C19orf47: variants seen among roughly 807,000 people sequenced by gnomAD.
The protein encoded by C19orf47 is uncharacterized protein C19orf47.
In C19orf47, 18 loss-of-function variants were observed where a neutral mutation model predicts 32.3. That is an observed-to-expected ratio of 0.56 (90% CI 0.39 to 0.83). The LOEUF (loss-of-function observed/expected upper bound fraction) is 0.83. Ranked by LOEUF, C19orf47 falls within the 40% of genes least tolerant of loss-of-function variation. The pLI is 0.00. For missense variants in C19orf47, 484 were observed against 531.6 expected, an observed-to-expected ratio of 0.91 and a Z score of 0.88; for synonymous variants, 202 against 211.1, an observed-to-expected ratio of 0.96 and a Z score of 0.37.
At chr19:40,300,231 C>T in the C19orf47 span, among the ~76,000 whole-genome samples, 1 of 151,820 alleles carries the variant, frequency 6.6e-6, no homozygotes, top group African/African-American at 2.4e-5. Context: ...CTTTGGGAGG[C>T]CAGGGCAGGT....
the C19orf47 span, among the ~76,000 whole-genome samples, chr19:40,313,196 T>G: frequency 3.5e-4 from 53 of 152,352 alleles, 1 homozygote; most frequent in South Asian, 0.01. Context: ...CACTTGAGAC[T>G]TAAGGTTTTT....
intron 7 of C19orf47, among the ~76,000 whole-genome samples, chr19:40,325,133 G>C (rs921795347): frequency 2.0e-5 from 3 of 151,802 alleles, no homozygotes; most frequent in Admixed American, 2.0e-4. Context: ...AGCTGGGCAC[G>C]GTGGCGTGCA....
chr19:40,348,369 C>T lies in C19orf47; in HGVS notation c.-79G>A. ...CCACTCGCGCCGCCCGCCCTCCCTC[C>T]CGGCGGCGCCAACTGTCAGACACTC... On this transcript the variant is annotated 5_prime_UTR_variant, in exon 1 of 9. Transcript: ENST00000683109. 1 of 1,415,638 alleles carries T rather than the reference C, an allele frequency of 7.1e-7. No individual in the cohort carries two copies. The highest frequency in any genetic ancestry group is 9.2e-7 in the Non-Finnish European group (1 of 1,085,168). 87.7% of individuals were successfully genotyped at this position (1,415,638 alleles called of 1,614,324 possible).
the C19orf47 span, among the ~76,000 whole-genome samples, chr19:40,309,068 A>G: frequency 6.6e-6 from 1 of 152,200 alleles, no homozygotes; most frequent in African/African-American, 2.4e-5. Context: ...TTTCAAATAA[A>G]CAAATAAATA....
At chr19:40,348,399 C>G, upstream of C19orf47, 3 of 1,477,528 alleles carry the variant, frequency 2.0e-6, no homozygotes, top group Non-Finnish European at 2.7e-6. Flanking sequence ...ACACTCCTCC[C>G]CCGGCCCGGG....
At chr19:40,302,460 A>AT in the C19orf47 span, among the ~76,000 whole-genome samples, 35 of 151,730 alleles carry the variant, frequency 2.3e-4, no homozygotes, top group Non-Finnish European at 4.1e-4. Flanking sequence ...ACCACGTCTG[A>AT]TTTTTTTGTA....
downstream of C19orf47, among the ~76,000 whole-genome samples, chr19:40,315,751 G>A (rs1298340680): frequency 4.0e-5 from 6 of 151,340 alleles, no homozygotes; most frequent in Non-Finnish European, 8.8e-5. Context: ...CTGCACTCCA[G>A]CCTGGGCGAG....
At chr19:40,315,008 T>C (rs79319120), downstream of C19orf47, among the ~76,000 whole-genome samples, 1,534 of 152,240 alleles carry the variant, frequency 0.01, 25 homozygotes, top group African/African-American at 0.035. Flanking sequence ...ACTATCAAAG[T>C]AGGCATCAAA....
the C19orf47 span, among the ~76,000 whole-genome samples, chr19:40,298,301 CAA>C: frequency 9.9e-5 from 7 of 71,030 alleles, no homozygotes; most frequent in Non-Finnish European, 1.8e-4. Flanking sequence ...AACATTGTCT[CAA>C]AAAAAAAAAA....
In C19orf47 at chr19:40,322,102, A is replaced by C; in HGVS notation, c.938T>G (p.Val313Gly). Residue 313 changes from valine to glycine, a missense_variant, in exon 9 of 9, where the codon GTC becomes GGC. Around this residue, in one of 3 missense-constraint regions of C19orf47, gnomAD observed 376 missense variants for 370.2 expected, o/e 1.02. Coordinates refer to ENST00000683109, the MANE Select transcript of C19orf47 (RefSeq NM_001256441.2). Reference protein sequence around the residue: ...LERKPESLSKVSIIKRLGAAA... With the variant: ...LERKPESLSKGSIIKRLGAAA... The stretch of plus-strand genomic sequence containing the variant: ...TGCGCCCAGTCTCTTGATGATGCTG[A>C]CTTTAGACAAGGACTCCGGCTTCCT... 6.2e-7 allele frequency: 1 copy of C among 1,614,138 alleles called. No homozygotes were observed. The highest frequency in any genetic ancestry group is 8.5e-7 in the Non-Finnish European group (1 of 1,180,022).
At chr19:40,293,167 G>T in the C19orf47 span, among the ~76,000 whole-genome samples, 1 of 150,850 alleles carries the variant, frequency 6.6e-6, no homozygotes. Context: ...TCGAGATGGA[G>T]TCTCACTCTG....
intron 5 of C19orf47, among the ~76,000 whole-genome samples, chr19:40,331,734 T>C (rs2145565382): frequency 6.6e-6 from 1 of 152,320 alleles, no homozygotes; most frequent in South Asian, 2.1e-4. Flanking sequence ...AATTTTAAAG[T>C]TTATTTTTAA....
In C19orf47 at chr19:40,326,407, C is replaced by T. The variant is rs753249232; in HGVS notation, c.519G>A (p.Lys173=). 3 of 1,614,212 alleles carry T rather than the reference C, an allele frequency of 1.9e-6. No individual in the cohort carries two copies. Among genetic ancestry groups the T allele is most frequent in the South Asian group, 2.2e-5 (2 of 91,082 alleles). ...RRRVTAEMEG[K]YVINMPKGTT... ...TGCCTTTGGGCATGTTGATGACGTA[C>T]TTCCCCTCCATCTCAGCAGTGACCC... The change falls in exon 7 of 9, where the codon AAG becomes AAA. Residue 173 remains lysine, a synonymous_variant. Transcript: ENST00000683109.
At chr19:40,319,070 G>A (rs990425961), downstream of C19orf47, among the ~76,000 whole-genome samples, 14 of 151,960 alleles carry the variant, frequency 9.2e-5, no homozygotes, top group Non-Finnish European at 2.1e-4. Flanking sequence ...TCAGGAGTTC[G>A]AGACCAGCCT....
At position 40,322,062 on chromosome 19, in the gene C19orf47, G is replaced by A. The variant is rs151266885; in HGVS notation, c.978C>T (p.Pro326=). 7.7e-5 allele frequency: 124 copies of A among 1,614,144 alleles called. 1 individual carries two copies. Among genetic ancestry groups the A allele is most frequent in the Middle Eastern group, 3.3e-4 (2 of 6,062 alleles). The change falls in exon 9 of 9, where the codon CCC becomes CCT. Residue 326 remains proline, a synonymous_variant. Transcript: ENST00000683109. ...IKRLGAAALV[P]EAQDSQVTST... is the part of the protein sequence containing the mutation. ...TGGTGACCTGGCTGTCCTGGGCCTC[G>A]GGCACAAGGGCAGCTGCGCCCAGTC...
chr19:40,329,527 A>C (rs2077905072), intron 5 of C19orf47, among the ~76,000 whole-genome samples: 1 of 152,164 alleles, frequency 6.6e-6, no homozygotes, highest in Non-Finnish European at 1.5e-5. Flanking sequence ...GGAAAAAGAA[A>C]GAAAACTACA....
At chr19:40,348,458 G>C (rs1272497008), upstream of C19orf47, 3 of 1,500,238 alleles carry the variant, frequency 2.0e-6, no homozygotes, top group African/African-American at 1.4e-5. Context: ...GAACTGACTC[G>C]TCCGCGGCCG....
intron 1 of C19orf47, chr19:40,342,570 A>T (rs1206519499): frequency 1.3e-5 from 2 of 152,446 alleles, no homozygotes; most frequent in Non-Finnish European, 2.9e-5. Context: ...GGGACAGGGG[A>T]GACAGAGAGT....
the C19orf47 span, among the ~76,000 whole-genome samples, chr19:40,297,845 G>A: frequency 7.1e-4 from 107 of 150,148 alleles, no homozygotes; most frequent in Non-Finnish European, 1.3e-3. Context: ...CTGCATTCCA[G>A]GCCGAGCGAC....
Sources: gnomAD v4.1 joint callset for allele counts (sites outside exome capture counted in the v4.1 genomes callset) on GRCh38, gnomAD v4.1.1 for gene constraint, gnomAD v4.1.1 regional missense constraint, MANE v1.5 for transcripts, NCBI Gene and HGNC (gene_info 2026-07-23, HGNC 2026-07-21) for gene names.